PAOX: variants seen among roughly 807,000 people sequenced by gnomAD.
The protein encoded by PAOX is peroxisomal N(1)-acetyl-spermine/spermidine oxidase.
In PAOX, 38 loss-of-function variants were observed where a neutral mutation model predicts 39.0. The observed-to-expected ratio is 0.97, with a 90% CI of 0.75 to 1.28. The LOEUF is 1.28. Ranked by LOEUF, PAOX falls within the 50% of genes most tolerant of loss-of-function variation. PAOX has a pLI of 0.00. For missense variants in PAOX, 667 were observed against 685.7 expected (o/e 0.97, Z 0.30); for synonymous variants, 311 against 314.4 (o/e 0.99, Z 0.11).
Position 133,380,397 on chromosome 10 carries a change from G to T in PAOX, c.580G>T (p.Val194Leu). Residue 194 changes from valine (V) to leucine (L), a missense_variant, in exon 2 of 7, where the codon GTG becomes TTG. By Grantham distance (32) the Val-to-Leu change is conservative. Transcript: ENST00000278060. ...LNSFFNLECCVSGTHSMDLVA... is the reference protein window; with the variant it reads ...LNSFFNLECCLSGTHSMDLVA... The stretch of plus-strand genomic sequence containing the variant: ...CTCCTTCTTCAACCTGGAATGCTGT[G>T]TGAGCGGCACCCACAGCATGGACCT... 6.2e-7 allele frequency: 1 copy of T among 1,612,932 alleles called. No individual in the cohort carries two copies. Among genetic ancestry groups the T allele is most frequent in the Non-Finnish European group, 8.5e-7 (1 of 1,180,044 alleles).
Position 133,389,641 on chromosome 10 carries a change from G to A in PAOX, c.1286G>A (p.Ser429Asn), listed in dbSNP as rs1259397439. ...AGCGTCCTGCGGTCTCGCTGGCACA[G>A]CGCCCCGTACACTAGGGGGTCCTAC... Reference protein sequence around the residue: ...PKSVLRSRWHSAPYTRGSYSY... With the variant: ...PKSVLRSRWHNAPYTRGSYSY... The change falls in exon 6 of 7, where the codon AGC becomes AAC. Residue 429 changes from serine to asparagine, a missense_variant. Physicochemically the swap from Ser to Asn is conservative, Grantham distance 46. Transcript: ENST00000278060. The A allele has an allele frequency of 1.9e-6, 3 of 1,613,534 alleles. No homozygotes were observed. Among genetic ancestry groups the A allele is most frequent in the Non-Finnish European group, 2.5e-6 (3 of 1,180,002 alleles).
At chr10:133,385,379 G>A (rs1482434756) in intron 4 of PAOX, among the ~76,000 whole-genome samples, 3 of 152,058 alleles carry the variant, frequency 2.0e-5, no homozygotes, top group Non-Finnish European at 4.4e-5. Flanking sequence ...GTGACTGTGT[G>A]TAGAGCCACC....
rs1849390402 is a variant in PAOX, at chr10:133,381,773, T to C, written c.868+114T>C. On this transcript the variant is annotated intron_variant, in intron 3 of 6. Coordinates refer to ENST00000278060, the MANE Select transcript of PAOX (RefSeq NM_152911.4). ...GTGTACGAAGCTCACATTTTCGTTC[T>C]AGTAAGTTCCAGATAGGTGGAAGGA... 4 of 1,066,192 alleles carry C rather than the reference T, an allele frequency of 3.8e-6. No homozygotes were observed. In the Admixed American group the frequency reaches 9.4e-5, roughly 25 times the overall value. The allele number at this position is 1,066,192 out of a possible 1,614,324, so 66.0% of individuals were successfully genotyped here. A position where few individuals can be genotyped will look rare whatever the true frequency, so the allele number is the denominator to read the frequency against.
chr10:133,379,685 CGCCG>C, intron 1 of PAOX, 188 bp downstream of exon 1: 1 of 589,692 alleles, frequency 1.7e-6, no homozygotes, highest in Admixed American at 3.8e-5. Context: ...GTCAGGAGGG[CGCCG>C]GCCAGGGAAG....
chr10:133,390,444 A>G (rs1849646169), intron 6 of PAOX, among the ~76,000 whole-genome samples: 1 of 144,268 alleles, frequency 6.9e-6, no homozygotes, highest in Non-Finnish European at 1.5e-5. Context: ...ACACACACAC[A>G]CAAGTAGCCA....
chr10:133,389,498 C>G, intron 5 of PAOX, 92 bp from the exon 6 acceptor site: 1 of 1,555,210 alleles, frequency 6.4e-7, no homozygotes, highest in East Asian at 2.3e-5. Flanking sequence ...GCATCTTTCA[C>G]GTTAAACTGC....
In PAOX at chr10:133,379,279, C is replaced by G; in HGVS notation, c.-38C>G. ...CCTCCTCCGAGAGCTCCAGACCTCC[C>G]GGCTACTCAGAAGCCCTCGGACTGC... On this transcript the variant is annotated 5_prime_UTR_variant, in exon 1 of 7. Coordinates refer to ENST00000278060, the MANE Select transcript of PAOX (RefSeq NM_152911.4). 8.3e-7 allele frequency: 1 copy of G among 1,207,478 alleles called. No individual in the cohort carries two copies. Among genetic ancestry groups the G allele is most frequent in the Non-Finnish European group, 1.0e-6 (1 of 973,104 alleles). 74.8% of individuals were successfully genotyped at this position (1,207,478 alleles called of 1,614,324 possible).
chr10:133,380,451 A>T lies in PAOX; in HGVS notation c.634A>T (p.Thr212Ser). Reference protein sequence around the residue: ...LVALAPFGEYTVLPGLDCTFS... With the variant: ...LVALAPFGEYSVLPGLDCTFS... ...GGCCCTGGCACCCTTTGGGGAGTAT[A>T]CCGTGCTGCCGGGGCTGGACTGCAC... The change falls in exon 2 of 7, where the codon ACC (threonine) becomes TCC (serine). Residue 212 changes from threonine to serine, a missense_variant. Thr to Ser is a moderately conservative substitution (Grantham distance 58). Transcript: ENST00000278060. The T allele has an allele frequency of 6.2e-7, 1 of 1,611,418 alleles. No homozygotes were observed. Among genetic ancestry groups the T allele is most frequent in the Non-Finnish European group, 8.5e-7 (1 of 1,179,950 alleles).
In PAOX at chr10:133,389,746, A is replaced by T. The variant is rs773679158; in HGVS notation, c.1391A>T (p.Gln464Leu). 3 of 1,520,894 alleles carry T rather than the reference A, an allele frequency of 2.0e-6. No individual in the cohort carries two copies. The highest frequency in any genetic ancestry group is 2.6e-6 in the Non-Finnish European group (3 of 1,134,306). The allele number at this position is 1,520,894 out of a possible 1,614,324, so 94.2% of individuals were successfully genotyped here. A position where few individuals can be genotyped will look rare whatever the true frequency, so the allele number is the denominator to read the frequency against. The change falls in exon 6 of 7, where the codon CAG becomes CTG. Residue 464 changes from glutamine to leucine, a missense_variant and splice_region_variant. Coordinates refer to ENST00000278060, the MANE Select transcript of PAOX (RefSeq NM_152911.4). ...QPLPADGAGA[Q>L]LQILFAGEAT... The stretch of plus-strand genomic sequence containing the variant: ...CTCCCTGCAGACGGCGCCGGCGCCC[A>T]GGTATGTGGCGTGCCCCAGTCGGGG...
At chr10:133,382,767 G>C (rs1335514519) in intron 3 of PAOX, 1 of 147,524 alleles carries the variant, frequency 6.8e-6, no homozygotes, top group Non-Finnish European at 1.5e-5. Context: ...GGGTGACAGA[G>C]TGAGACTCTG....
intron 2 of PAOX, among the ~76,000 whole-genome samples, chr10:133,380,950 C>G (rs1055512873): frequency 1.3e-5 from 2 of 152,232 alleles, no homozygotes; most frequent in Non-Finnish European, 2.9e-5. Context: ...TGCACTCCAA[C>G]CTGGGCGACA....
At chr10:133,383,528 G>T (rs1045051657) in intron 3 of PAOX, among the ~76,000 whole-genome samples, 2 of 151,064 alleles carry the variant, frequency 1.3e-5, no homozygotes, top group Admixed American at 1.3e-4. Context: ...ACTAGAACCT[G>T]GGAGGTGGAG....
At chr10:133,381,901 C>T (rs369199653) in intron 3 of PAOX, among the ~76,000 whole-genome samples, 1 of 152,158 alleles carries the variant, frequency 6.6e-6, no homozygotes, top group African/African-American at 2.4e-5. Context: ...TGGAGGTAAC[C>T]GTTTAGGGTT....
chr10:133,380,349 A>ACGTGGCC lies in PAOX; in HGVS notation c.532_533insCGTGGCC (p.Lys178ThrfsTer48). 2 of 1,612,942 alleles carry ACGTGGCC rather than the reference A, an allele frequency of 1.2e-6. No homozygotes were observed. Among genetic ancestry groups the ACGTGGCC allele is most frequent in the South Asian group, 2.2e-5 (2 of 91,092 alleles). On this transcript the variant is annotated frameshift_variant, in exon 2 of 7. Coordinates refer to ENST00000278060, the MANE Select transcript of PAOX (RefSeq NM_152911.4). LOFTEE classifies it high-confidence loss of function. ...CTGGACAGAGGATGAGGAGACCAGG[A>ACGTGGCC]AGCTGAAGCTGGCCGTCCTGAACTC... is the stretch of plus-strand genomic sequence containing the variant.
chr10:133,389,073 G>T lies in PAOX; in HGVS notation c.1234+5G>T. The T allele has an allele frequency of 6.3e-7, 1 of 1,597,780 alleles. No homozygotes were observed. The highest frequency in any genetic ancestry group is 8.6e-7 in the Non-Finnish European group (1 of 1,165,232). ...AAGTGCTCCGGAGAGTGACAGGTAG[G>T]TACTCACCACACACGCTGGTTCCTG... On this transcript the variant is annotated splice_donor_5th_base_variant and intron_variant, in intron 5 of 6. Transcript: ENST00000278060.
chr10:133,383,529 G>A (rs1849450500), intron 3 of PAOX, among the ~76,000 whole-genome samples: 2 of 151,518 alleles, frequency 1.3e-5, no homozygotes, highest in South Asian at 4.2e-4. Context: ...CTAGAACCTG[G>A]GAGGTGGAGG....
At chr10:133,380,633 A>G in intron 2 of PAOX, 148 bp downstream of exon 2, 10 of 1,217,112 alleles carry the variant, frequency 8.2e-6, no homozygotes, top group Non-Finnish European at 1.1e-5. Context: ...TCCTTTCCCT[A>G]GTTTTGCTCA....
chr10:133,383,939 G>T, intron 3 of PAOX, 21 bp from the exon 4 acceptor site: 1 of 1,604,882 alleles, frequency 6.2e-7, no homozygotes, highest in Non-Finnish European at 8.5e-7. Context: ...GATGTAAGAA[G>T]AGTCCAATTC....
chr10:133,388,180 G>T (rs1031386764), intron 4 of PAOX, among the ~76,000 whole-genome samples: 1 of 152,028 alleles, frequency 6.6e-6, no homozygotes, highest in Non-Finnish European at 1.5e-5. Context: ...AGGGATATAC[G>T]TGCAGGTTTG....
Sources: gnomAD v4.1 joint callset for allele counts (sites outside exome capture counted in the v4.1 genomes callset) on GRCh38, gnomAD v4.1.1 for gene constraint, MANE v1.5 for transcripts, NCBI Gene and HGNC (gene_info 2026-07-23, HGNC 2026-07-21) for gene names.